Variants in VPS41 observed in about 807,000 individuals in gnomAD.
VPS41 encodes VPS41 subunit of HOPS complex.
In VPS41, 85 loss-of-function variants were observed where a neutral mutation model predicts 130.9. That is an observed-to-expected ratio of 0.65 (90% CI 0.55 to 0.78). The LOEUF (loss-of-function observed/expected upper bound fraction) is 0.78, where lower values mean the gene tolerates loss of function less well. VPS41 is among the 30% of genes least tolerant of loss of function. VPS41 has a pLI of 0.00. For missense variants in VPS41, 874 were observed against 1,018.7 expected, an observed-to-expected ratio of 0.86 and a Z score of 1.93; for synonymous variants, 335 against 332.9, an observed-to-expected ratio of 1.01 and a Z score of -0.07.
At chr7:38,829,016 C>T (rs1785334372) in intron 5 of VPS41, among the ~76,000 whole-genome samples, 2 of 152,174 alleles carry the variant, frequency 1.3e-5, no homozygotes, top group South Asian at 2.1e-4. Context: ...AGGAATTTCT[C>T]ACCTTTAAGA....
At chr7:38,821,361 TATTTAATA>T in intron 5 of VPS41, 96 bp from the exon 6 acceptor site, 1 of 857,086 alleles carries the variant, frequency 1.2e-6, no homozygotes, top group Non-Finnish European at 1.9e-6. Flanking sequence ...AAAAGTAGAA[TATTTAATA>T]ATTTTAAGGC....
At chr7:38,809,364 A>ATG (rs1204340296) in intron 7 of VPS41, among the ~76,000 whole-genome samples, 1 of 138,228 alleles carries the variant, frequency 7.2e-6, no homozygotes, top group East Asian at 2.0e-4. Context: ...ATATATATAT[A>ATG]TAATATAAAA....
chr7:38,801,927 A>C (rs1047440463), intron 7 of VPS41, among the ~76,000 whole-genome samples: 1 of 152,182 alleles, frequency 6.6e-6, no homozygotes, highest in African/African-American at 2.4e-5. Context: ...AATACTCCTA[A>C]AATATTTTGA....
At chr7:38,779,584 AAAGT>A in intron 10 of VPS41, among the ~76,000 whole-genome samples, 1 of 152,332 alleles carries the variant, frequency 6.6e-6, no homozygotes, top group African/African-American at 2.4e-5. Context: ...ATTCTGCCAC[AAAGT>A]AAGACATTTT....
chr7:38,885,368 T>C (rs1338962721), intron 2 of VPS41, among the ~76,000 whole-genome samples: 1 of 152,224 alleles, frequency 6.6e-6, no homozygotes, highest in Non-Finnish European at 1.5e-5. Context: ...GCAGAGCTGC[T>C]TTAGTCTCCA....
In VPS41 at chr7:38,725,493, C is replaced by T. The variant is rs1443794864; in HGVS notation, c.*753G>A. 1 of 152,212 alleles carries T rather than the reference C, an allele frequency of 6.6e-6. No individual in the cohort carries two copies. The highest frequency in any genetic ancestry group is 1.9e-4 in the East Asian group (1 of 5,186). The allele number at this position is 152,212 out of a possible 1,614,324, so 9.4% of individuals were successfully genotyped here. A position where few individuals can be genotyped will look rare whatever the true frequency, so the allele number is the denominator to read the frequency against. ...GAAGGTGTTGAACTCTCTTTTCTTC[C>T]TTACAAGGGTGCCAGAATTCTTAAC... On this transcript the variant is annotated 3_prime_UTR_variant, in exon 29 of 29. Coordinates refer to ENST00000310301, the MANE Select transcript of VPS41 (RefSeq NM_014396.4).
intron 7 of VPS41, among the ~76,000 whole-genome samples, chr7:38,800,159 G>C (rs901748123): frequency 1.3e-5 from 2 of 152,102 alleles, no homozygotes; most frequent in African/African-American, 4.8e-5. Flanking sequence ...GAGGAATGAC[G>C]GAGCATAATA....
rs1795468824 is a variant in VPS41, at chr7:38,723,040, A to G, written c.*3206T>C. The G allele has an allele frequency of 6.6e-6, 1 of 152,218 alleles. No homozygotes were observed. Among genetic ancestry groups the G allele is most frequent in the South Asian group, 2.1e-4 (1 of 4,834 alleles). The allele number at this position is 152,218 out of a possible 1,614,324, so 9.4% of individuals were successfully genotyped here. A position where few individuals can be genotyped will look rare whatever the true frequency, so the allele number is the denominator to read the frequency against. ...AATAAAGCAAGCTAAAGAAAATAGT[A>G]AGAAAATCATAAGGAAAAGAAAATA... is the stretch of plus-strand genomic sequence containing the variant. On this transcript the variant is annotated 3_prime_UTR_variant, in exon 29 of 29. Coordinates refer to ENST00000310301, the MANE Select transcript of VPS41 (RefSeq NM_014396.4).
At chr7:38,735,780 T>C (rs1795751073) in intron 25 of VPS41, among the ~76,000 whole-genome samples, 1 of 152,142 alleles carries the variant, frequency 6.6e-6, no homozygotes, top group Non-Finnish European at 1.5e-5. Flanking sequence ...AAAACAACTA[T>C]TCCATGAGAC....
At chr7:38,790,960 T>C (rs1458819226) in intron 9 of VPS41, among the ~76,000 whole-genome samples, 1 of 152,198 alleles carries the variant, frequency 6.6e-6, no homozygotes, top group Non-Finnish European at 1.5e-5. Context: ...GTACATAAAC[T>C]TTTGTAAGGT....
At chr7:38,763,984 T>C (rs1227540650) in intron 16 of VPS41, among the ~76,000 whole-genome samples, 1 of 152,188 alleles carries the variant, frequency 6.6e-6, no homozygotes, top group Admixed American at 6.5e-5. Flanking sequence ...CATCTTGTGT[T>C]CTTCAGATAT....
intron 5 of VPS41, among the ~76,000 whole-genome samples, chr7:38,826,501 C>A (rs540740832): frequency 4.6e-5 from 7 of 152,266 alleles, no homozygotes; most frequent in African/African-American, 1.4e-4. Context: ...GAACCTGGAG[C>A]AGAAAAACAG....
intron 7 of VPS41, among the ~76,000 whole-genome samples, chr7:38,803,856 G>C (rs1784784924): frequency 6.6e-6 from 1 of 152,214 alleles, no homozygotes; most frequent in African/African-American, 2.4e-5. Flanking sequence ...CTTAGGCTTA[G>C]TGCCAAAGTT....
At chr7:38,753,777 T>G (rs1016405208) in intron 21 of VPS41, among the ~76,000 whole-genome samples, 2 of 152,106 alleles carry the variant, frequency 1.3e-5, no homozygotes, top group African/African-American at 2.4e-5. Context: ...TCTTGAGATT[T>G]CCAATCATGA....
chr7:38,761,307 G>C (rs57091471), intron 17 of VPS41, among the ~76,000 whole-genome samples: 2 of 117,912 alleles, frequency 1.7e-5, no homozygotes. Context: ...GTGGTGTTTC[G>C]CTCTGTCGCC....
chr7:38,743,793 C>T (rs1319252263), intron 23 of VPS41, among the ~76,000 whole-genome samples: 2 of 152,080 alleles, frequency 1.3e-5, no homozygotes, highest in African/African-American at 4.8e-5. Flanking sequence ...TCACTACAAC[C>T]CTATGAGGCA....
At chr7:38,775,609 T>C (rs1331775951) in intron 11 of VPS41, 2 of 152,124 alleles carry the variant, frequency 1.3e-5, no homozygotes, top group Non-Finnish European at 2.9e-5. Context: ...TGTCCTGCAA[T>C]AGGGCTAGAA....
At position 38,869,146 on chromosome 7, in the gene VPS41, C is replaced by T. The variant is rs778897846; in HGVS notation, c.168G>A (p.Lys56=). The change falls in exon 3 of 29, where the codon AAG becomes AAA. Residue 56 remains lysine (K), a splice_region_variant and synonymous_variant. Coordinates refer to ENST00000310301, the MANE Select transcript of VPS41 (RefSeq NM_014396.4). ...DAASCMTVHD[K]FLALGTHYGK... is the part of the protein sequence containing the mutation. The stretch of plus-strand genomic sequence containing the variant: ...GAATCCTCTGAAAGTGCTATCTTAC[C>T]TTGTCATGGACTGTCATGCAGCTAG... 12 of 1,560,236 alleles carry T rather than the reference C, an allele frequency of 7.7e-6. No homozygotes were observed. The African/African-American group carries it at 1.5e-4, about 20-fold the overall frequency.
intron 4 of VPS41, among the ~76,000 whole-genome samples, chr7:38,833,233 C>T (rs1015351986): frequency 6.6e-6 from 1 of 152,170 alleles, no homozygotes; most frequent in Non-Finnish European, 1.5e-5. Context: ...CTAATGGTCT[C>T]CTAACTAGGT....
Sources: allele counts gnomAD v4.1 joint callset (sites outside exome capture counted in the v4.1 genomes callset), GRCh38; gene constraint gnomAD v4.1.1; transcripts MANE v1.5; gene names NCBI Gene and HGNC (gene_info 2026-07-23, HGNC 2026-07-21).